ATAD3B: variants seen among roughly 807,000 people sequenced by gnomAD.
ATAD3B encodes ATPase family AAA domain-containing protein 3B.
A neutral mutation model predicts 70.2 loss-of-function variants in ATAD3B; 59 were observed. That is an observed-to-expected ratio of 0.84 (90% CI 0.68 to 1.04). The LOEUF is 1.04. Ranked by LOEUF, ATAD3B falls within the 50% of genes least tolerant of loss-of-function variation. The pLI, the probability that ATAD3B is intolerant of heterozygous loss-of-function variation, is 0.00. For missense variants in ATAD3B, 961 were observed against 913.4 expected (o/e 1.05, Z -0.67); for synonymous variants, 423 against 388.6 (o/e 1.09, Z -1.04).
chr1:1,499,719 C>T (rs1178101167), downstream of ATAD3B, among the ~76,000 whole-genome samples: 1 of 150,886 alleles, frequency 6.6e-6, no homozygotes, highest in African/African-American at 2.4e-5. Flanking sequence ...TCAGCCTTCC[C>T]AAGTAGCTGG....
At chr1:1,492,973 T>C (rs1319012811) in intron 15 of ATAD3B, among the ~76,000 whole-genome samples, 1 of 148,954 alleles carries the variant, frequency 6.7e-6, no homozygotes, top group Admixed American at 6.7e-5. Flanking sequence ...TAACCTGGTG[T>C]GGTAGCAGGC....
Position 1,471,778 on chromosome 1 carries a change from A to T in ATAD3B, c.-107A>T, listed in dbSNP as rs975622235. The T allele has an allele frequency of 2.5e-6, 3 of 1,212,068 alleles. No homozygotes were observed. Among genetic ancestry groups the T allele is most frequent in the East Asian group, 6.8e-5 (2 of 29,552 alleles). 75.1% of individuals were successfully genotyped at this position (1,212,068 alleles called of 1,614,324 possible). On this transcript the variant is annotated 5_prime_UTR_variant, in exon 1 of 16. Coordinates refer to ENST00000673477, the MANE Select transcript of ATAD3B (RefSeq NM_031921.6). Reference sequence around the variant, plus strand: ...GAAGGGGTGTGTGTTTCGCCTGCGCAGTGGTCCTGGCCACCGGCTCGCGGC... The same window carrying T: ...GAAGGGGTGTGTGTTTCGCCTGCGCTGTGGTCCTGGCCACCGGCTCGCGGC...
At chr1:1,494,931 C>T (rs1278483468) in intron 15 of ATAD3B, among the ~76,000 whole-genome samples, 1 of 152,048 alleles carries the variant, frequency 6.6e-6, no homozygotes, top group Non-Finnish European at 1.5e-5. Context: ...AGGGCTGCTG[C>T]ACCTGAGGTG....
chr1:1,475,205 C>T (rs1248471096), intron 1 of ATAD3B, among the ~76,000 whole-genome samples: 1 of 149,694 alleles, frequency 6.7e-6, no homozygotes, highest in Non-Finnish European at 1.5e-5. Context: ...GGCAGGGTCT[C>T]CAGGTGCACC....
In ATAD3B at chr1:1,490,195, G is replaced by A. The variant is rs746861390; in HGVS notation, c.1338-62G>A. 23 of 1,581,322 alleles carry A rather than the reference G, an allele frequency of 1.5e-5. No individual in the cohort carries two copies. In the African/African-American group the frequency reaches 1.9e-4, roughly 13 times the overall value. ...TCCCCGAGGGGGCTGAGGAGCCCCCGTTGCCCTCGGGGCATCTCAGCTGGC... is the reference window on the plus strand; with the variant it reads ...TCCCCGAGGGGGCTGAGGAGCCCCCATTGCCCTCGGGGCATCTCAGCTGGC... On this transcript the variant is annotated intron_variant, in intron 13 of 15. Transcript: ENST00000673477.
the ATAD3B span, among the ~76,000 whole-genome samples, chr1:1,504,518 C>T: frequency 1.3e-5 from 2 of 151,766 alleles, no homozygotes; most frequent in African/African-American, 4.8e-5. Flanking sequence ...GGCGTGGTGG[C>T]GGGCGCCTGT....
rs751758691 is a variant in ATAD3B, at chr1:1,489,190, C to T, written c.1267-14C>T. 7.4e-6 allele frequency: 12 copies of T among 1,613,248 alleles called. No homozygotes were observed. In the Admixed American group the frequency reaches 8.3e-5, roughly 11 times the overall value. ...TTGCTTCTGGTGCCTAAGGCTGGAA[C>T]CTTCTCTCTGCAGGAGGAGATAAGC... is the stretch of plus-strand genomic sequence containing the variant. On this transcript the variant is annotated splice_polypyrimidine_tract_variant and intron_variant, in intron 12 of 15. Transcript: ENST00000673477.
At chr1:1,503,581 C>T in the ATAD3B span, 1 of 1,610,182 alleles carries the variant, frequency 6.2e-7, no homozygotes, top group Non-Finnish European at 8.5e-7. Context: ...CCTGTGCCTG[C>T]AGGCCACATC....
intron 15 of ATAD3B, among the ~76,000 whole-genome samples, chr1:1,491,624 G>A (rs1361066909): frequency 2.6e-5 from 4 of 152,024 alleles, no homozygotes; most frequent in East Asian, 1.9e-4. Flanking sequence ...AGGCATTGCC[G>A]CCTCTGGGGT....
At chr1:1,477,546 A>G (rs1265383434) in intron 2 of ATAD3B, among the ~76,000 whole-genome samples, 196 bp downstream of exon 2, 1 of 151,368 alleles carries the variant, frequency 6.6e-6, no homozygotes, top group African/African-American at 2.4e-5. Context: ...GCCGCCCGAG[A>G]GGGAGGGTCA....
chr1:1,485,859 C>T, intron 9 of ATAD3B, 21 bp downstream of exon 9: 2 of 1,612,792 alleles, frequency 1.2e-6, no homozygotes, highest in Non-Finnish European at 1.7e-6. Context: ...GTGCCTGGGA[C>T]CGGGGAGGTG....
chr1:1,509,314 G>A, the ATAD3B span: 272 of 1,612,230 alleles, frequency 1.7e-4, 2 homozygotes, highest in Admixed American at 1.8e-3. Flanking sequence ...CTGAAGAGGG[G>A]GAGGCCTGGG....
At chr1:1,490,222 G>T (rs748735183) in intron 13 of ATAD3B, 35 bp from the exon 14 acceptor site, 14 of 1,600,454 alleles carry the variant, frequency 8.7e-6, no homozygotes, top group Middle Eastern at 3.3e-4. Flanking sequence ...TCAGCTGGCA[G>T]CCCCAGCGTT....
downstream of ATAD3B, among the ~76,000 whole-genome samples, chr1:1,499,412 T>C (rs1476276652): frequency 6.6e-6 from 1 of 150,764 alleles, no homozygotes; most frequent in Non-Finnish European, 1.5e-5. Flanking sequence ...ACTTTTTGTA[T>C]TTTTAGTAGA....
At chr1:1,487,634 G>C (rs559142164) in intron 11 of ATAD3B, among the ~76,000 whole-genome samples, 4 of 152,044 alleles carry the variant, frequency 2.6e-5, no homozygotes, top group South Asian at 4.2e-4. Context: ...AGAGTCTGTT[G>C]CCCCCTGTGT....
chr1:1,485,790 G>A lies in ATAD3B; in HGVS notation c.915G>A (p.Arg305=), dbSNP rs374623929. Reference sequence around the variant, plus strand: ...CCCTTCCCCTCCGGCAGGTCAGCCGGCGGCTCCTCAGTCGACCCCAGGACG... The same window carrying A: ...CCCTTCCCCTCCGGCAGGTCAGCCGACGGCTCCTCAGTCGACCCCAGGACG... ...EALRHPIQVS[R]RLLSRPQDVL... is the part of the protein sequence containing the mutation. Residue 305 remains arginine, a synonymous_variant, in exon 9 of 16, where the codon CGG becomes CGA. Coordinates refer to ENST00000673477, the MANE Select transcript of ATAD3B (RefSeq NM_031921.6). The A allele has an allele frequency of 2.7e-5, 44 of 1,612,964 alleles. No homozygotes were observed. Among genetic ancestry groups the A allele is most frequent in the African/African-American group, 4.0e-5 (3 of 74,848 alleles).
At chr1:1,493,471 C>T (rs751758313) in intron 15 of ATAD3B, among the ~76,000 whole-genome samples, 1 of 151,720 alleles carries the variant, frequency 6.6e-6, no homozygotes, top group Non-Finnish European at 1.5e-5. Context: ...GGACCAGTCT[C>T]GCTTTTGCCG....
intron 5 of ATAD3B, 152 bp from the exon 6 acceptor site, chr1:1,481,986 G>C (rs1489450507): frequency 7.7e-7 from 1 of 1,299,866 alleles, no homozygotes; most frequent in Non-Finnish European, 1.0e-6. Flanking sequence ...TTAGCCTGTT[G>C]GTGGCGTGGG....
rs551217919 is a variant in ATAD3B, at chr1:1,497,498, C to T, written c.*1681C>T. 1 of 150,118 alleles carries T rather than the reference C, an allele frequency of 6.7e-6. No individual in the cohort carries two copies. The highest frequency in any genetic ancestry group is 2.5e-5 in the African/African-American group (1 of 40,504). The allele number at this position is 150,118 out of a possible 1,614,324, so 9.3% of individuals were successfully genotyped here. A position where few individuals can be genotyped will look rare whatever the true frequency, so the allele number is the denominator to read the frequency against. ...CTCCCGCCTCTACAGGATGAGCCAC[C>T]AAGCCTGGCCTCAATTCCTCTTTAA... On this transcript the variant is annotated 3_prime_UTR_variant, in exon 16 of 16. Transcript: ENST00000673477.
Sources: allele counts gnomAD v4.1 joint callset (sites outside exome capture counted in the v4.1 genomes callset), GRCh38; gene constraint gnomAD v4.1.1; transcripts MANE v1.5; gene names NCBI Gene and HGNC (gene_info 2026-07-23, HGNC 2026-07-21).